The following GABRQ variants were observed in gnomAD, a reference collection of about 807,000 sequenced individuals.
GABRQ encodes gamma-aminobutyric acid receptor subunit theta.
A neutral mutation model predicts 30.5 loss-of-function variants in GABRQ; 19 were observed. That is an observed-to-expected ratio of 0.62 (90% CI 0.43 to 0.91). GABRQ has a LOEUF of 0.91. Among genes scored for constraint, GABRQ ranks in the 40% least tolerant of loss-of-function variants. GABRQ has a pLI of 0.00. For synonymous variants in GABRQ, 187 were observed against 210.2 expected (o/e 0.89, Z 0.95); for missense variants, 520 against 521.4 (o/e 1.00, Z 0.03).
intron 2 of GABRQ, among the ~76,000 whole-genome samples, chrX:152,643,265 G>A (rs1218731182): frequency 1.8e-5 from 2 of 112,511 alleles, no homozygotes; most frequent in African/African-American, 6.5e-5. Flanking sequence ...AACAGGCCTG[G>A]ATGCTGGAGT....
chrX:152,642,880 A>G (rs181449668), intron 2 of GABRQ, among the ~76,000 whole-genome samples: 2 of 112,296 alleles, frequency 1.8e-5, no homozygotes, highest in Non-Finnish European at 1.9e-5. Context: ...ACTAGCACAA[A>G]GGGGATAAAT....
At chrX:152,658,869 A>G (rs1407054599), downstream of GABRQ, among the ~76,000 whole-genome samples, 2 of 111,128 alleles carry the variant, frequency 1.8e-5, no homozygotes, top group African/African-American at 6.6e-5. Context: ...ACCCTGATAC[A>G]CTCTCCATGG....
chrX:152,638,172 C>T lies in GABRQ; in HGVS notation c.-31C>T. On this transcript the variant is annotated 5_prime_UTR_variant, in exon 1 of 9. Coordinates refer to ENST00000598523, the MANE Select transcript of GABRQ (RefSeq NM_018558.4). Reference sequence around the variant, plus strand: ...TGTTCCTTTTCGCGGCCCCGTCTCCCGCGCCCTCAGGCGCCCAGAACGCCC... The same window carrying T: ...TGTTCCTTTTCGCGGCCCCGTCTCCTGCGCCCTCAGGCGCCCAGAACGCCC... The T allele has an allele frequency of 8.3e-7, 1 of 1,199,777 alleles. No homozygotes were observed. Among genetic ancestry groups the T allele is most frequent in the Non-Finnish European group, 1.1e-6 (1 of 887,883 alleles).
intron 4 of GABRQ, among the ~76,000 whole-genome samples, chrX:152,648,255 CA>C (rs1930935722): frequency 1.8e-5 from 2 of 111,496 alleles, no homozygotes. Flanking sequence ...CAGAGCCTCC[CA>C]GGGGAGGCTG....
chrX:152,651,820 A>G (rs781863240), intron 8 of GABRQ, 38 bp downstream of exon 8: 1 of 1,183,810 alleles, frequency 8.4e-7, no homozygotes, highest in South Asian at 1.8e-5. Context: ...TTCCCTGAGC[A>G]CCTCTTGAGC....
At chrX:152,658,772 T>C (rs1454570790), downstream of GABRQ, among the ~76,000 whole-genome samples, 1 of 112,254 alleles carries the variant, frequency 8.9e-6, no homozygotes, top group Admixed American at 9.4e-5. Context: ...CTACTGTTGG[T>C]CTGCCTCTCG....
At chrX:152,639,061 T>A (rs1047409841) in intron 1 of GABRQ, among the ~76,000 whole-genome samples, 22 of 111,036 alleles carry the variant, frequency 2.0e-4, no homozygotes, top group Admixed American at 1.9e-3. Context: ...TACATGTAAA[T>A]CACACAGAAA....
intron 8 of GABRQ, 101 bp from the exon 9 acceptor site, chrX:152,652,440 A>G (rs1931044667): frequency 1.4e-6 from 1 of 705,660 alleles, no homozygotes; most frequent in Non-Finnish European, 2.2e-6. Context: ...CAGTAACATT[A>G]CAAGTGCTGA....
intron 2 of GABRQ, among the ~76,000 whole-genome samples, chrX:152,643,326 G>T (rs939924780): frequency 1.2e-4 from 13 of 112,698 alleles, no homozygotes; most frequent in Non-Finnish European, 1.9e-4. Flanking sequence ...CTGCCATTCA[G>T]ATGCTTATTC....
At chrX:152,652,458 A>G in intron 8 of GABRQ, 83 bp from the exon 9 acceptor site, 1 of 795,640 alleles carries the variant, frequency 1.3e-6, no homozygotes, top group Non-Finnish European at 1.8e-6. Context: ...TGATGAGGGA[A>G]GTCCCTTCCC....
chrX:152,647,082 C>G lies in GABRQ; in HGVS notation c.441C>G (p.Asn147Lys). 8.3e-7 allele frequency: 1 copy of G among 1,210,283 alleles called. No individual in the cohort carries two copies. The change falls in exon 4 of 9, where the codon AAC becomes AAG. Residue 147 changes from asparagine (N) to lysine (K), a missense_variant. Physicochemically the swap from Asn to Lys is moderately conservative, Grantham distance 94. Coordinates refer to ENST00000598523, the MANE Select transcript of GABRQ (RefSeq NM_018558.4). ...GGGTCCCTGACTGCTACTTTCTGAA[C>G]AGCAAGGATGCTTTCGTGCATGATG... ...KLWVPDCYFL[N>K]SKDAFVHDVT...
intron 2 of GABRQ, among the ~76,000 whole-genome samples, chrX:152,643,736 C>T (rs1377924428): frequency 1.8e-5 from 2 of 111,759 alleles, no homozygotes; most frequent in Non-Finnish European, 3.8e-5. Flanking sequence ...CACACAATTA[C>T]CCTCTCCTGT....
chrX:152,648,520 A>G (rs1930943603), intron 4 of GABRQ, among the ~76,000 whole-genome samples: 1 of 109,164 alleles, frequency 9.2e-6, no homozygotes, highest in South Asian at 4.1e-4. Context: ...GAGTGCCGCC[A>G]CACCCAGCTA....
At chrX:152,646,927 G>A in intron 3 of GABRQ, 21 bp from the exon 4 acceptor site, 4 of 1,127,498 alleles carry the variant, frequency 3.5e-6, no homozygotes, top group Non-Finnish European at 4.9e-6. Flanking sequence ...TTACAACTGG[G>A]ATTTACATTT....
chrX:152,639,871 G>A (rs1028153938), intron 1 of GABRQ, among the ~76,000 whole-genome samples: 87 of 111,660 alleles, frequency 7.8e-4, no homozygotes, highest in African/African-American at 2.5e-3. Context: ...CCAGGTAAGG[G>A]GAAATGAAAC....
chrX:152,653,282 T>TC lies in GABRQ; in HGVS notation c.*6dup, dbSNP rs782145983. The TC allele has an allele frequency of 1.5e-4, 173 of 1,181,307 alleles. No individual in the cohort carries two copies. The highest frequency in any genetic ancestry group is 1.0e-4 in the Non-Finnish European group (91 of 872,180). ...TTACTGGGTATACCATATGTATTAG[T>TC]CCCCCAGTGCTCCAGAACAGCGGGA... On this transcript the variant is annotated 3_prime_UTR_variant, in exon 9 of 9. Coordinates refer to ENST00000598523, the MANE Select transcript of GABRQ (RefSeq NM_018558.4).
chrX:152,648,311 C>G (rs1453556016), intron 4 of GABRQ, among the ~76,000 whole-genome samples: 1 of 110,357 alleles, frequency 9.1e-6, no homozygotes, highest in Non-Finnish European at 1.9e-5. Context: ...ACACTTCGCC[C>G]ACTTTCTCAG....
intron 1 of GABRQ, among the ~76,000 whole-genome samples, chrX:152,638,798 T>A (rs1490220417): frequency 9.0e-6 from 1 of 111,099 alleles, no homozygotes; most frequent in East Asian, 2.9e-4. Flanking sequence ...TACATTTTAG[T>A]CCATTTCCTG....
At chrX:152,651,438 ACC>A in intron 7 of GABRQ, 86 bp from the exon 8 acceptor site, 1 of 787,635 alleles carries the variant, frequency 1.3e-6, no homozygotes, top group Non-Finnish European at 1.9e-6. Context: ...GGCCCTCCTC[ACC>A]CCAAATATGT....
Sources: allele counts gnomAD v4.1 joint callset (sites outside exome capture counted in the v4.1 genomes callset), GRCh38; gene constraint gnomAD v4.1.1; transcripts MANE v1.5; gene names NCBI Gene and HGNC (gene_info 2026-07-23, HGNC 2026-07-21).